Variants in TFEB observed in about 807,000 individuals in gnomAD.
TFEB encodes T-cell transcription factor EB.
Under a neutral mutation model 48.0 loss-of-function variants are expected in TFEB, and 12 were observed. The ratio of observed to expected loss-of-function variants is 0.25; its 90% CI spans 0.16 to 0.40. The LOEUF (loss-of-function observed/expected upper bound fraction) is 0.40. Ranked by LOEUF, TFEB falls within the 10% of genes least tolerant of loss-of-function variation. The pLI, the probability that TFEB is intolerant of heterozygous loss-of-function variation, is 1.00. For synonymous variants in TFEB, 244 were observed against 261.4 expected (o/e 0.93, Z 0.64); for missense variants, 509 against 640.3 (o/e 0.79, Z 2.21).
intron 1 of TFEB, among the ~76,000 whole-genome samples, chr6:41,710,339 C>T (rs1043126979): frequency 7.2e-5 from 11 of 152,284 alleles, no homozygotes; most frequent in Middle Eastern, 3.4e-3. Context: ...CTCCACCCAA[C>T]TCCTATTCCA....
intron 7 of TFEB, 136 bp downstream of exon 7, chr6:41,686,957 AT>A: frequency 1.3e-6 from 1 of 743,684 alleles, no homozygotes; most frequent in South Asian, 1.6e-5. Flanking sequence ...AGAGGGAGAG[AT>A]CTTTTCTCAA....
rs1170978203 is a variant in TFEB at position 41,691,316 on chromosome 6, G to A, written c.-22-81C>T. 1 of 1,354,798 alleles carries A rather than the reference G, an allele frequency of 7.4e-7. No homozygotes were observed. The highest frequency in any genetic ancestry group is 1.0e-6 in the Non-Finnish European group (1 of 968,438). The allele number at this position is 1,354,798 out of a possible 1,614,324, so 83.9% of individuals were successfully genotyped here. A position where few individuals can be genotyped will look rare whatever the true frequency, so the allele number is the denominator to read the frequency against. On this transcript the variant is annotated intron_variant, in intron 1 of 8. Transcript: ENST00000373033. The surrounding 1 kb of genome is among the most constrained non-coding windows in gnomAD (Gnocchi z 5.2). ...GGGGCTGGCAGGGGGAGGCCAGAAT[G>A]ACTGGGACCGCATCCATTTTAGAGG...
chr6:41,692,897 AATCCT>A (rs1311944691), intron 1 of TFEB, among the ~76,000 whole-genome samples: 3 of 152,218 alleles, frequency 2.0e-5, no homozygotes, highest in Non-Finnish European at 4.4e-5. Context: ...TATGGGCTTG[AATCCT>A]AGTTCTGCCA....
At chr6:41,706,470 A>G (rs1770225675) in intron 1 of TFEB, among the ~76,000 whole-genome samples, 1 of 151,946 alleles carries the variant, frequency 6.6e-6, no homozygotes, top group African/African-American at 2.4e-5. Flanking sequence ...TTCTCCCCTC[A>G]CAACACACAC....
chr6:41,686,230 G>A lies in TFEB; in HGVS notation c.811C>T (p.Arg271Cys), dbSNP rs1463113136. ...LIPKANDLDVRWNKGTILKAS... is the reference protein window; with the variant it reads ...LIPKANDLDVCWNKGTILKAS... ...TTGAGGATGGTGCCCTTGTTCCAGC[G>A]CACGTCCCTGCAGCAGCAGGCCAGG... The change falls in exon 8 of 9, where the codon CGC (arginine) becomes TGC (cysteine). Residue 271 changes from arginine to cysteine, a missense_variant. This residue lies in a region of TFEB where 28 missense variants were observed against 71.9 expected (regional missense o/e 0.39). Transcript: ENST00000373033. 1.9e-6 allele frequency: 3 copies of A among 1,614,044 alleles called. No homozygotes were observed. Among genetic ancestry groups the A allele is most frequent in the African/African-American group, 1.3e-5 (1 of 75,052 alleles).
intron 4 of TFEB, among the ~76,000 whole-genome samples, chr6:41,688,530 A>G (rs1769134670): frequency 6.6e-6 from 1 of 152,060 alleles, no homozygotes. Context: ...GATCCCCAGT[A>G]CAGTGTTTGA....
intron 1 of TFEB, among the ~76,000 whole-genome samples, chr6:41,713,920 C>G (rs1470565912): frequency 6.6e-6 from 1 of 152,204 alleles, no homozygotes; most frequent in East Asian, 1.9e-4. Context: ...GTTGGATGGC[C>G]ACCCATCCCC....
chr6:41,684,712 C>A lies in TFEB; in HGVS notation c.1318G>T (p.Asp440Tyr). The change falls in exon 9 of 9, where the codon GAC becomes TAC. Residue 440 changes from aspartate (D) to tyrosine (Y), a missense_variant. Asp to Tyr is a radical substitution (Grantham distance 160). This residue lies in a region of TFEB where 168 missense variants were observed against 161.0 expected (regional missense o/e 1.04). Coordinates refer to ENST00000373033, the MANE Select transcript of TFEB (RefSeq NM_001271944.2). ...KKDLDLMLLD[D>Y]SLLPLASDPL... ...TCAGAGGCCAGCGGTAGCAGTGAGT[C>A]GTCCAGGAGCATGAGGTCCAGATCC... is the stretch of plus-strand genomic sequence containing the variant. 1 of 1,613,780 alleles carries A rather than the reference C, an allele frequency of 6.2e-7. No homozygotes were observed. The highest frequency in any genetic ancestry group is 8.5e-7 in the Non-Finnish European group (1 of 1,179,920).
chr6:41,700,272 C>T (rs1380299428), intron 1 of TFEB, among the ~76,000 whole-genome samples: 1 of 152,164 alleles, frequency 6.6e-6, no homozygotes, highest in African/African-American at 2.4e-5. Context: ...GGAGACCATC[C>T]TGGCTAACAC....
At chr6:41,726,208 C>A (rs1771201355) in intron 1 of TFEB, among the ~76,000 whole-genome samples, 2 of 152,280 alleles carry the variant, frequency 1.3e-5, no homozygotes, top group Non-Finnish European at 2.9e-5. Context: ...GTGGGAAAAG[C>A]CTGACGTAAA....
intron 1 of TFEB, chr6:41,735,040 A>G: frequency 2.0e-6 from 2 of 985,138 alleles, no homozygotes; most frequent in Non-Finnish European, 2.4e-6. Flanking sequence ...CCGGGCCGGG[A>G]AGGCCCATGC....
At chr6:41,715,012 T>C (rs1329239448) in intron 1 of TFEB, among the ~76,000 whole-genome samples, 2 of 152,002 alleles carry the variant, frequency 1.3e-5, no homozygotes, top group African/African-American at 2.4e-5. Context: ...ATGTAAAACA[T>C]GAGGATGAAG....
At chr6:41,733,500 G>T (rs1771536604) in intron 1 of TFEB, 1 of 467,756 alleles carries the variant, frequency 2.1e-6, no homozygotes, top group Non-Finnish European at 2.8e-6. Context: ...GCTTCCCTCG[G>T]GGAGAAGCAG....
intron 1 of TFEB, among the ~76,000 whole-genome samples, chr6:41,726,403 C>T (rs927766586): frequency 6.6e-6 from 1 of 152,128 alleles, no homozygotes; most frequent in Non-Finnish European, 1.5e-5. Context: ...GTACAAGCTA[C>T]ATTCTGTTGT....
chr6:41,684,860 T>A lies in TFEB; in HGVS notation c.1170A>T (p.Pro390=). ...PLPLPTQPPS[P]FHHLDFSHSL... ...TGTGGCTGAAGTCCAGGTGATGGAA[T>A]GGGGATGGTGGCTGGGTGGGCAGGG... is the stretch of plus-strand genomic sequence containing the variant. Residue 390 remains proline, a synonymous_variant, in exon 9 of 9, where the codon CCA becomes CCT. Coordinates refer to ENST00000373033, the MANE Select transcript of TFEB (RefSeq NM_001271944.2). The A allele has an allele frequency of 6.4e-7, 1 of 1,574,152 alleles. No homozygotes were observed. Among genetic ancestry groups the A allele is most frequent in the South Asian group, 1.2e-5 (1 of 85,430 alleles).
At chr6:41,701,746 A>G (rs1285621378) in intron 1 of TFEB, among the ~76,000 whole-genome samples, 1 of 151,918 alleles carries the variant, frequency 6.6e-6, no homozygotes, top group Non-Finnish European at 1.5e-5. Context: ...GGAGTTCGAG[A>G]CCAGCCTGGC....
chr6:41,728,435 G>C (rs180926263), intron 1 of TFEB, among the ~76,000 whole-genome samples: 3 of 152,214 alleles, frequency 2.0e-5, no homozygotes, highest in Non-Finnish European at 2.9e-5. Flanking sequence ...AGCCAGCACC[G>C]TCCTGGCAAG....
rs528842932 is a variant in TFEB at position 41,689,725 on chromosome 6, G to C, written c.549+6C>G. On this transcript the variant is annotated splice_donor_region_variant and intron_variant, in intron 4 of 8. Transcript: ENST00000373033. ...TGCACACCCACCCCACCCTAGCCAGGAGTACCGTGTTGGGCATCTGCATTT... is the reference window on the plus strand; with the variant it reads ...TGCACACCCACCCCACCCTAGCCAGCAGTACCGTGTTGGGCATCTGCATTT... 11 of 1,613,526 alleles carry C rather than the reference G, an allele frequency of 6.8e-6. No homozygotes were observed. The South Asian group carries it at 1.1e-4, about 16-fold the overall frequency.
In TFEB at chr6:41,687,122, C is replaced by G. The variant is rs369055043; in HGVS notation, c.775G>C (p.Gly259Arg). 2.5e-6 allele frequency: 4 copies of G among 1,614,056 alleles called. No homozygotes were observed. In the African/African-American group the frequency reaches 5.3e-5, roughly 22 times the overall value. ...TCATTGGCCTTGGGGATCAGCATTCCCAACTCCTTGATGCGGTCATTGATG... is the reference window on the plus strand; with the variant it reads ...TCATTGGCCTTGGGGATCAGCATTCGCAACTCCTTGATGCGGTCATTGATG... Reference protein sequence around the residue: ...FNINDRIKELGMLIPKANDLD... With the variant: ...FNINDRIKELRMLIPKANDLD... Residue 259 changes from glycine (G) to arginine (R), a missense_variant, in exon 7 of 9, where the codon GGA (glycine) becomes CGA (arginine). Gly to Arg is a moderately radical substitution (Grantham distance 125). Transcript: ENST00000373033.
Sources: allele counts gnomAD v4.1 joint callset (sites outside exome capture counted in the v4.1 genomes callset), GRCh38; gene constraint gnomAD v4.1.1; regional missense constraint gnomAD v4.1.1; non-coding constraint Gnocchi (gnomAD v3.1); transcripts MANE v1.5; gene names NCBI Gene and HGNC (gene_info 2026-07-23, HGNC 2026-07-21).